The following FKBP5 variants were observed in gnomAD, a reference collection of about 807,000 sequenced individuals.
FKBP5 encodes FKBP prolyl isomerase 5, also known as peptidyl-prolyl cis-trans isomerase FKBP5.
A neutral mutation model predicts 50.5 loss-of-function variants in FKBP5; 23 were observed. That is an observed-to-expected ratio of 0.46 (90% confidence interval 0.33 to 0.65). The LOEUF (loss-of-function observed/expected upper bound fraction) is 0.65. Among genes scored for constraint, FKBP5 ranks in the 30% least tolerant of loss-of-function variants. FKBP5 has a pLI of 0.02. For missense variants in FKBP5, 411 were observed against 553.1 expected (o/e 0.74, Z 2.58); for synonymous variants, 176 against 190.6 (o/e 0.92, Z 0.63).
At chr6:35,584,913 A>G (rs1220889045) in intron 8 of FKBP5, 2 of 985,368 alleles carry the variant, frequency 2.0e-6, no homozygotes, top group African/African-American at 3.5e-5. Flanking sequence ...GATAAGCAAC[A>G]AAGTTAAGTA....
At chr6:35,607,370 CTT>C (rs113805586) in intron 5 of FKBP5, among the ~76,000 whole-genome samples, 2 of 145,216 alleles carry the variant, frequency 1.4e-5, no homozygotes, top group Non-Finnish European at 3.0e-5. Flanking sequence ...CATGCTTGGC[CTT>C]TTTTTTTTTT....
intron 2 of FKBP5, among the ~76,000 whole-genome samples, chr6:35,705,213 A>AATATATATATATAT (rs869253345): frequency 1.4e-5 from 1 of 71,384 alleles, no homozygotes. Context: ...TATATGTACA[A>AATATATATATATAT]ATATATATAT....
chr6:35,575,442 A>AT lies in FKBP5; in HGVS notation c.*392dup, dbSNP rs111803919. On this transcript the variant is annotated 3_prime_UTR_variant, in exon 11 of 11. Coordinates refer to ENST00000357266, the MANE Select transcript of FKBP5 (RefSeq NM_004117.4). Reference sequence around the variant, plus strand: ...GTAGGAAAGGAGAAATTCATGAAGCATTTTTTTTTTAAAGGTTTCTGCAGT... The same window carrying AT: ...GTAGGAAAGGAGAAATTCATGAAGCATTTTTTTTTTTAAAGGTTTCTGCAGT... 497 of 165,884 alleles carry AT rather than the reference A, an allele frequency of 3.0e-3. 1 individual carries two copies. The highest frequency in any genetic ancestry group is 3.9e-3 in the Non-Finnish European group (297 of 75,902). 10.3% of individuals were successfully genotyped at this position (165,884 alleles called of 1,614,324 possible). A position where few individuals can be genotyped will look rare whatever the true frequency, so the allele number is the denominator to read the frequency against.
chr6:35,705,139 T>TAA (rs1766270269), intron 2 of FKBP5, among the ~76,000 whole-genome samples: 1 of 146,156 alleles, frequency 6.8e-6, no homozygotes, highest in Admixed American at 7.0e-5. Flanking sequence ...AGACTCCGTC[T>TAA]CAAAAACAAC....
At position 35,597,340 on chromosome 6, in the gene FKBP5, G is replaced by T; in HGVS notation, c.573C>A (p.Gly191=). 6.2e-7 allele frequency: 1 copy of T among 1,613,980 alleles called. No homozygotes were observed. The highest frequency in any genetic ancestry group is 1.7e-5 in the Admixed American group (1 of 59,974). ...FDCRDVAFTV[G]EGEDHDIPIG... is the part of the protein sequence containing the mutation. ...TTGGAATGTCGTGGTCTTCTCCTTC[G>T]CCCACAGTGAATGCCACATCTCTGC... Residue 191 remains glycine (G), a synonymous_variant, in exon 6 of 11, where the codon GGC becomes GGA. Coordinates refer to ENST00000357266, the MANE Select transcript of FKBP5 (RefSeq NM_004117.4).
chr6:35,687,001 T>C (rs1285348140), intron 1 of FKBP5, among the ~76,000 whole-genome samples: 2 of 152,160 alleles, frequency 1.3e-5, no homozygotes, highest in East Asian at 3.8e-4. Flanking sequence ...CAATTATTGG[T>C]TGAAGAGTTG....
At chr6:35,690,525 C>T (rs1223495010), upstream of FKBP5, among the ~76,000 whole-genome samples, 1 of 151,966 alleles carries the variant, frequency 6.6e-6, no homozygotes, top group Non-Finnish European at 1.5e-5. Context: ...AGACTGAAAC[C>T]GCCTCGAGGG....
intron 1 of FKBP5, among the ~76,000 whole-genome samples, chr6:35,663,383 C>A (rs960709171): frequency 6.6e-6 from 1 of 152,166 alleles, no homozygotes; most frequent in Non-Finnish European, 1.5e-5. Flanking sequence ...AAGTAAAGTA[C>A]GTGAACATTA....
chr6:35,621,930 G>T (rs548961094), intron 3 of FKBP5, among the ~76,000 whole-genome samples: 42 of 152,152 alleles, frequency 2.8e-4, no homozygotes, highest in Admixed American at 1.0e-3. Context: ...AGTGAGCTGA[G>T]ATCATGCCAC....
chr6:35,638,527 C>T (rs1049599310), intron 2 of FKBP5, among the ~76,000 whole-genome samples: 7 of 152,100 alleles, frequency 4.6e-5, no homozygotes, highest in African/African-American at 1.7e-4. Flanking sequence ...AAGTGATCAT[C>T]CCACCTCAGC....
intron 5 of FKBP5, among the ~76,000 whole-genome samples, chr6:35,611,400 T>A (rs114522928): frequency 2.6e-5 from 4 of 152,166 alleles, no homozygotes; most frequent in African/African-American, 7.2e-5. Flanking sequence ...CATTCAAATG[T>A]GGCTGAAAGT....
At chr6:35,603,737 G>A (rs1561853247) in intron 5 of FKBP5, among the ~76,000 whole-genome samples, 1 of 151,918 alleles carries the variant, frequency 6.6e-6, no homozygotes, top group African/African-American at 2.4e-5. Context: ...TGCCCAGGCT[G>A]GAGTGTAGTG....
In FKBP5 at chr6:35,723,009, G is replaced by A. The variant is rs141670961; in HGVS notation, c.-240-2461C>T. Reference sequence around the variant, plus strand: ...AGCACTTTGGGAGGCCAAGGCGGGCGGATCATGAGATCAGGAGATCGAGAC... The same window carrying A: ...AGCACTTTGGGAGGCCAAGGCGGGCAGATCATGAGATCAGGAGATCGAGAC... On this transcript the variant is annotated intron_variant, in intron 1 of 11. Coordinates refer to the FKBP5 transcript ENST00000536438. 6.4e-3 allele frequency among the ~76,000 whole-genome samples: 981 copies of A among 152,280 alleles called. 9 individuals carry two copies. Among genetic ancestry groups the A allele is most frequent in the African/African-American group, 0.022 (934 of 41,562 alleles).
At chr6:35,623,515 T>C (rs987923744) in intron 3 of FKBP5, among the ~76,000 whole-genome samples, 5 of 152,198 alleles carry the variant, frequency 3.3e-5, no homozygotes, top group African/African-American at 1.2e-4. Flanking sequence ...GCAAAGGTGA[T>C]ATGCATTTTA....
intron 3 of FKBP5, among the ~76,000 whole-genome samples, chr6:35,627,347 G>A (rs978663212): frequency 6.6e-6 from 1 of 152,098 alleles, no homozygotes; most frequent in African/African-American, 2.4e-5. Context: ...TCGCTATGTT[G>A]CCCAGACTGG....
chr6:35,703,606 T>C (rs987971480), intron 2 of FKBP5, among the ~76,000 whole-genome samples: 1 of 152,230 alleles, frequency 6.6e-6, no homozygotes, highest in African/African-American at 2.4e-5. Flanking sequence ...TGTAGTTGTC[T>C]TTGAAGTATT....
chr6:35,715,909 G>A lies in FKBP5; in HGVS notation c.-20+4419C>T, dbSNP rs571435047. 8.5e-4 allele frequency among the ~76,000 whole-genome samples: 129 copies of A among 152,316 alleles called. 3 individuals carry two copies. The South Asian group carries it at 0.024, about 29-fold the overall frequency. On this transcript the variant is annotated intron_variant, in intron 2 of 11. Transcript: ENST00000536438. Reference sequence around the variant, plus strand: ...CCTGTGCCATTAGAAACCCTGGGAGGGAAGTGGTGAGAAATGCCAAGGCAG... The same window carrying A: ...CCTGTGCCATTAGAAACCCTGGGAGAGAAGTGGTGAGAAATGCCAAGGCAG...
intron 1 of FKBP5, among the ~76,000 whole-genome samples, 183 bp from the exon 2 acceptor site, chr6:35,643,026 A>T (rs1184644659): frequency 2.0e-5 from 3 of 152,234 alleles, no homozygotes; most frequent in African/African-American, 7.2e-5. Flanking sequence ...ATGTAAATAA[A>T]ACATCATCCA....
At position 35,575,825 on chromosome 6, in the gene FKBP5, T is replaced by C; in HGVS notation, c.*10A>G. 6.3e-7 allele frequency: 1 copy of C among 1,588,672 alleles called. No individual in the cohort carries two copies. The highest frequency in any genetic ancestry group is 1.1e-5 in the South Asian group (1 of 90,590). ...GAGTTCACTGGGACTCTTCCCTCCTTGGCGTGGCGTCATACGTGGCCCTCA... is the reference window on the plus strand; with the variant it reads ...GAGTTCACTGGGACTCTTCCCTCCTCGGCGTGGCGTCATACGTGGCCCTCA... On this transcript the variant is annotated 3_prime_UTR_variant, in exon 11 of 11. Coordinates refer to ENST00000357266, the MANE Select transcript of FKBP5 (RefSeq NM_004117.4).
Sources: allele counts gnomAD v4.1 joint callset (sites outside exome capture counted in the v4.1 genomes callset), GRCh38; gene constraint gnomAD v4.1.1; transcripts MANE v1.5; gene names NCBI Gene and HGNC (gene_info 2026-07-23, HGNC 2026-07-21).